WAPL: variants seen among roughly 807,000 people sequenced by gnomAD.
WAPL encodes wings apart-like protein homolog.
In WAPL, 5 loss-of-function variants were observed where a neutral mutation model predicts 121.0. That is an observed-to-expected ratio of 0.04 (90% CI 0.02 to 0.09). WAPL has a LOEUF of 0.09. Ranked by LOEUF, WAPL falls within the 10% of genes least tolerant of loss-of-function variation. WAPL has a pLI of 1.00. For synonymous variants in WAPL, 480 were observed against 481.5 expected, an observed-to-expected ratio of 1.00 and a Z score of 0.04; for missense variants, 999 against 1,410.8, an observed-to-expected ratio of 0.71 and a Z score of 4.68.
intron 15 of WAPL, among the ~76,000 whole-genome samples, chr10:86,451,222 G>T (rs750282645): frequency 6.6e-6 from 1 of 151,830 alleles, no homozygotes; most frequent in Non-Finnish European, 1.5e-5. Flanking sequence ...GATTACAGGC[G>T]TAAGCCACTG....
At chr10:86,467,013 TAAAAA>T in intron 9 of WAPL, 3 of 345,838 alleles carry the variant, frequency 8.7e-6, no homozygotes, top group Non-Finnish European at 1.6e-5. Flanking sequence ...TTTTTTTTCT[TAAAAA>T]ATAAAGAGAA....
At chr10:86,489,210 C>T (rs1841987773) in intron 4 of WAPL, among the ~76,000 whole-genome samples, 1 of 152,182 alleles carries the variant, frequency 6.6e-6, no homozygotes, top group Non-Finnish European at 1.5e-5. Context: ...AGAGTAGAGA[C>T]TTGTGACAAC....
chr10:86,483,875 C>T (rs1482441045), intron 4 of WAPL, among the ~76,000 whole-genome samples: 1 of 143,970 alleles, frequency 6.9e-6, no homozygotes, highest in Non-Finnish European at 1.5e-5. Context: ...GCTCCCGCCA[C>T]CACGCCTGGC....
chr10:86,443,024 C>T (rs1180248950), intron 17 of WAPL, among the ~76,000 whole-genome samples: 1 of 118,282 alleles, frequency 8.5e-6, no homozygotes, highest in East Asian at 2.6e-4. Flanking sequence ...GCCTGGGTGA[C>T]AGAACGAGAC....
In WAPL at chr10:86,437,967, T is replaced by C. The variant is rs749610016; in HGVS notation, c.3460A>G (p.Ile1154Val). The stretch of plus-strand genomic sequence containing the variant: ...AATTTTTTGAGCATCTCTGTCATTA[T>C]TGAAAAGTCTCCTTCTGGCAGATAT... Reference protein sequence around the residue: ...REYLPEGDFSIMTEMLKKFLS... With the variant: ...REYLPEGDFSVMTEMLKKFLS... Residue 1154 changes from isoleucine to valine, a missense_variant, in exon 18 of 19, where the codon ATA becomes GTA. Ile to Val is a conservative substitution (Grantham distance 29). Coordinates refer to ENST00000298767, the MANE Select transcript of WAPL (RefSeq NM_015045.5). 8.1e-5 allele frequency: 130 copies of C among 1,613,904 alleles called. No individual in the cohort carries two copies. The Middle Eastern group carries it at 1.2e-3, about 14-fold the overall frequency.
At chr10:86,481,335 GC>G (rs1841779103) in intron 4 of WAPL, among the ~76,000 whole-genome samples, 1 of 152,046 alleles carries the variant, frequency 6.6e-6, no homozygotes, top group African/African-American at 2.4e-5. Flanking sequence ...GAGAGACAGT[GC>G]AAAACAGGAC....
At chr10:86,517,085 C>T (rs1842569256) in intron 2 of WAPL, among the ~76,000 whole-genome samples, 1 of 152,100 alleles carries the variant, frequency 6.6e-6, no homozygotes, top group Admixed American at 6.6e-5. Flanking sequence ...TGATACTGGC[C>T]CCAAACTAAT....
chr10:86,451,546 C>T (rs1165047156), intron 15 of WAPL, among the ~76,000 whole-genome samples: 1 of 152,056 alleles, frequency 6.6e-6, no homozygotes, highest in African/African-American at 2.4e-5. Context: ...GTGCATGCCA[C>T]CATGCCTGGC....
In WAPL at chr10:86,443,205, G is replaced by A. The variant is rs953901563; in HGVS notation, c.3411+70C>T. The A allele has an allele frequency of 7.4e-6, 9 of 1,215,012 alleles. No individual in the cohort carries two copies. In the African/African-American group the frequency reaches 1.3e-4, roughly 18 times the overall value. 75.3% of individuals were successfully genotyped at this position (1,215,012 alleles called of 1,614,324 possible). A position where few individuals can be genotyped will look rare whatever the true frequency, so the allele number is the denominator to read the frequency against. ...CTGAAGAAATAAATAAGTGAAACAT[G>A]TAAAGGTATGAAGTCGTTACATTGG... is the stretch of plus-strand genomic sequence containing the variant. On this transcript the variant is annotated intron_variant, in intron 17 of 18. Transcript: ENST00000298767.
chr10:86,461,593 T>C (rs1841276257), intron 9 of WAPL, among the ~76,000 whole-genome samples: 1 of 152,194 alleles, frequency 6.6e-6, no homozygotes. Context: ...GGTACATGTA[T>C]TTTTTAACTG....
At position 86,508,913 on chromosome 10, in the gene WAPL, G is replaced by A. The variant is rs560784449; in HGVS notation, c.500-8170C>T. Among the ~76,000 whole-genome samples, 76 of 151,906 alleles carry A rather than the reference G, an allele frequency of 5.0e-4. 1 individual carries two copies. The South Asian group carries it at 7.5e-3, about 15-fold the overall frequency. On this transcript the variant is annotated intron_variant, in intron 2 of 18. Coordinates refer to ENST00000298767, the MANE Select transcript of WAPL (RefSeq NM_015045.5). ...TGGGACTACAGGCGCCCGCCACCACGCCCGGCTAATTTTTTGTATTTTTAG... is the reference window on the plus strand; with the variant it reads ...TGGGACTACAGGCGCCCGCCACCACACCCGGCTAATTTTTTGTATTTTTAG...
chr10:86,478,190 G>A (rs914421358), intron 4 of WAPL, among the ~76,000 whole-genome samples: 2 of 152,108 alleles, frequency 1.3e-5, no homozygotes, highest in African/African-American at 4.8e-5. Context: ...AGCAAGTTGG[G>A]AGGCCAAGGG....
intron 4 of WAPL, among the ~76,000 whole-genome samples, chr10:86,492,811 C>A (rs1244247938): frequency 6.6e-6 from 1 of 152,156 alleles, no homozygotes; most frequent in Middle Eastern, 3.2e-3. Flanking sequence ...AATCCCAGCA[C>A]TTTGGGAAGC....
At position 86,521,586 on chromosome 10, in the gene WAPL, C is replaced by G. The variant is rs1392111702; in HGVS notation, c.-244G>C. ...CCCGCCTCGAGCGCCGCCGGCCGGGCCCAGGCCTAGCTCTCGCTGGCCGCC... is the reference window on the plus strand; with the variant it reads ...CCCGCCTCGAGCGCCGCCGGCCGGGGCCAGGCCTAGCTCTCGCTGGCCGCC... On this transcript the variant is annotated 5_prime_UTR_variant, in exon 1 of 19. Coordinates refer to ENST00000298767, the MANE Select transcript of WAPL (RefSeq NM_015045.5). 12 of 442,274 alleles carry G rather than the reference C, an allele frequency of 2.7e-5. No homozygotes were observed. Among genetic ancestry groups the G allele is most frequent in the South Asian group, 1.8e-4 (11 of 60,866 alleles). 27.4% of individuals were successfully genotyped at this position (442,274 alleles called of 1,614,324 possible).
At chr10:86,441,495 G>C (rs367646956) in intron 17 of WAPL, among the ~76,000 whole-genome samples, 15 of 151,606 alleles carry the variant, frequency 9.9e-5, no homozygotes, top group African/African-American at 3.4e-4. Context: ...TGAGGGGTGA[G>C]AGTGGCATGG....
At chr10:86,443,631 GAA>G (rs1849529197) in intron 16 of WAPL, 1 of 417,430 alleles carries the variant, frequency 2.4e-6, no homozygotes, top group Non-Finnish European at 4.3e-6. Context: ...CACAGAATGA[GAA>G]AATATATTTG....
chr10:86,487,373 G>A (rs1455188651), intron 4 of WAPL, among the ~76,000 whole-genome samples: 2 of 152,062 alleles, frequency 1.3e-5, no homozygotes, highest in African/African-American at 4.8e-5. Flanking sequence ...GAAACAATAG[G>A]TAGTTAAATC....
chr10:86,476,437 C>T (rs1340300158), intron 4 of WAPL, among the ~76,000 whole-genome samples: 2 of 151,540 alleles, frequency 1.3e-5, no homozygotes, highest in Non-Finnish European at 2.9e-5. Context: ...GCCTGTAATC[C>T]CAGCACTTTG....
At chr10:86,442,443 T>G in intron 17 of WAPL, among the ~76,000 whole-genome samples, 1 of 152,336 alleles carries the variant, frequency 6.6e-6, no homozygotes, top group Non-Finnish European at 1.5e-5. Context: ...TTTTATTTCA[T>G]GTATGTAATT....
Sources: gnomAD v4.1 joint callset for allele counts (sites outside exome capture counted in the v4.1 genomes callset) on GRCh38, gnomAD v4.1.1 for gene constraint, MANE v1.5 for transcripts, NCBI Gene and HGNC (gene_info 2026-07-23, HGNC 2026-07-21) for gene names.